TPO: variants seen among roughly 807,000 people sequenced by gnomAD.
TPO encodes the protein thyroid peroxidase.
Under a neutral mutation model 96.9 loss-of-function variants are expected in TPO, and 78 were observed. The observed-to-expected ratio is 0.81, with a 90% CI of 0.67 to 0.97. The LOEUF is 0.97. TPO is among the 50% of genes least tolerant of loss of function. The pLI, the probability that TPO is intolerant of heterozygous loss-of-function variation, is 0.00. For missense variants in TPO, 1,252 were observed against 1,274.8 expected, an observed-to-expected ratio of 0.98 and a Z score of 0.27; for synonymous variants, 547 against 538.0, an observed-to-expected ratio of 1.02 and a Z score of -0.23.
chr2:1,438,969 G>A, intron 5 of TPO: 1 of 670,382 alleles, frequency 1.5e-6, no homozygotes, highest in East Asian at 2.7e-5. Flanking sequence ...CTGCCCCTGG[G>A]TCCTGCAGTA....
At chr2:1,532,539 CA>C (rs1257864144) in intron 15 of TPO, among the ~76,000 whole-genome samples, 4 of 138,466 alleles carry the variant, frequency 2.9e-5, no homozygotes, top group African/African-American at 5.6e-5. Context: ...TCAAATACCC[CA>C]CTGTCAGCAA....
chr2:1,524,064 C>A, intron 15 of TPO, among the ~76,000 whole-genome samples: 1 of 128,026 alleles, frequency 7.8e-6, no homozygotes, highest in South Asian at 2.7e-4. Flanking sequence ...GGCAACAACA[C>A]CAAATCCTGC....
chr2:1,443,436 A>C (rs1164572249), intron 5 of TPO, among the ~76,000 whole-genome samples: 1 of 129,060 alleles, frequency 7.7e-6, no homozygotes, highest in East Asian at 2.9e-4. Flanking sequence ...GGGAATGGGC[A>C]GGCTCCTTCT....
intron 3 of TPO, among the ~76,000 whole-genome samples, chr2:1,428,093 C>A (rs1203034183): frequency 6.6e-6 from 1 of 152,330 alleles, no homozygotes; most frequent in African/African-American, 2.4e-5. Context: ...CAGCTAGAGT[C>A]AAAGTTTCCC....
At chr2:1,499,716 A>C (rs942533218) in intron 13 of TPO, among the ~76,000 whole-genome samples, 2 of 152,164 alleles carry the variant, frequency 1.3e-5, no homozygotes, top group Non-Finnish European at 2.9e-5. Context: ...GTGTATATGA[A>C]GGTCTGAGAC....
chr2:1,538,428 A>G (rs1214472350), intron 15 of TPO, among the ~76,000 whole-genome samples: 3 of 152,218 alleles, frequency 2.0e-5, no homozygotes, highest in Non-Finnish European at 4.4e-5. Flanking sequence ...GGATTATTTG[A>G]CAAGGATTGT....
At chr2:1,397,586 T>C (rs1662102197) in intron 1 of TPO, among the ~76,000 whole-genome samples, 1 of 152,196 alleles carries the variant, frequency 6.6e-6, no homozygotes, top group African/African-American at 2.4e-5. Context: ...TTCCTGAGTC[T>C]GAGGAAAAGC....
At chr2:1,413,621 G>A (rs1304983695) in intron 1 of TPO, 76 bp downstream of exon 1, 1 of 948,758 alleles carries the variant, frequency 1.1e-6, no homozygotes, top group African/African-American at 1.8e-5. Flanking sequence ...TGGCCCAAGA[G>A]TGGCTGTAAT....
At chr2:1,509,198 GA>G (rs1173250132) in intron 14 of TPO, among the ~76,000 whole-genome samples, 1 of 152,200 alleles carries the variant, frequency 6.6e-6, no homozygotes, top group Non-Finnish European at 1.5e-5. Flanking sequence ...GAGCGGTTTT[GA>G]GTGAGTTTCT....
intron 13 of TPO, among the ~76,000 whole-genome samples, chr2:1,503,422 G>T (rs1673068616): frequency 6.6e-6 from 1 of 152,242 alleles, no homozygotes; most frequent in Non-Finnish European, 1.5e-5. Flanking sequence ...AGGTTATCTG[G>T]AAACATACGC....
intron 14 of TPO, among the ~76,000 whole-genome samples, chr2:1,513,276 G>A (rs907042999): frequency 3.9e-5 from 6 of 152,236 alleles, no homozygotes; most frequent in Non-Finnish European, 7.3e-5. Context: ...GTGGACATGC[G>A]CTCAGGTGCT....
At chr2:1,477,631 G>A (rs1369377714) in intron 8 of TPO, 27 bp downstream of exon 8, 12 of 1,465,424 alleles carry the variant, frequency 8.2e-6, no homozygotes, top group East Asian at 2.7e-5. Context: ...TGGGCGCCCT[G>A]GGTGGCTGCG....
chr2:1,433,334 G>T, intron 3 of TPO, 104 bp from the exon 4 acceptor site: 1 of 1,441,760 alleles, frequency 6.9e-7, no homozygotes, highest in Non-Finnish European at 9.6e-7. Context: ...CATTGTCTGG[G>T]ACACAGTAGT....
intron 3 of TPO, among the ~76,000 whole-genome samples, chr2:1,423,845 A>T (rs185022457): frequency 4.3e-4 from 65 of 152,358 alleles, no homozygotes; most frequent in Non-Finnish European, 2.1e-4. Flanking sequence ...CTAAAAATTG[A>T]ATCAAAGGGA....
intron 7 of TPO, among the ~76,000 whole-genome samples, chr2:1,472,150 C>G (rs1450082802): frequency 6.6e-6 from 1 of 151,984 alleles, no homozygotes; most frequent in Admixed American, 6.5e-5. Context: ...AGTGCTCTTC[C>G]TGTGATCCAA....
At chr2:1,429,032 C>T (rs931868218) in intron 3 of TPO, among the ~76,000 whole-genome samples, 24 of 151,942 alleles carry the variant, frequency 1.6e-4, no homozygotes, top group African/African-American at 4.1e-4. Flanking sequence ...ACATGTCAGC[C>T]GATATAAAAC....
intron 16 of TPO, chr2:1,541,360 A>AG (rs1230958556): frequency 4.1e-6 from 1 of 245,210 alleles, no homozygotes; most frequent in African/African-American, 2.7e-5. Context: ...CTAAAACAAT[A>AG]GGTTTTTTTT....
At chr2:1,537,060 CCCTG>C (rs1396928005) in intron 15 of TPO, among the ~76,000 whole-genome samples, 13 of 40,564 alleles carry the variant, frequency 3.2e-4, no homozygotes, top group African/African-American at 1.5e-3. Context: ...CTCCCCAAAT[CCCTG>C]CCACTGTGTG....
intron 15 of TPO, among the ~76,000 whole-genome samples, chr2:1,536,815 T>TC (rs200640337): frequency 2.9e-5 from 1 of 35,062 alleles, no homozygotes; most frequent in Non-Finnish European, 6.0e-5. Context: ...CCTCCCCAAA[T>TC]CCCCCCCACT....
Sources: allele counts gnomAD v4.1 joint callset (sites outside exome capture counted in the v4.1 genomes callset), GRCh38; gene constraint gnomAD v4.1.1; transcripts MANE v1.5; gene names NCBI Gene and HGNC (gene_info 2026-07-23, HGNC 2026-07-21).